The following HOOK1 variants were observed in gnomAD, a reference collection of about 807,000 sequenced individuals.
HOOK1 encodes hook microtubule tethering protein 1.
In HOOK1, 60 loss-of-function variants were observed where a neutral mutation model predicts 112.8. The observed-to-expected ratio is 0.53, with a 90% CI of 0.43 to 0.66. The LOEUF (loss-of-function observed/expected upper bound fraction) is 0.66, where lower values mean the gene tolerates loss of function less well. Ranked by LOEUF, HOOK1 falls within the 30% of genes least tolerant of loss-of-function variation. HOOK1 has a pLI of 0.00. For synonymous variants in HOOK1, 294 were observed against 283.8 expected (o/e 1.04, Z -0.36); for missense variants, 770 against 856.0 (o/e 0.90, Z 1.25).
Position 59,870,465 on chromosome 1 carries a change from A to G in HOOK1, c.1948-577A>G, listed in dbSNP as rs1644039160. Among the ~76,000 whole-genome samples, 4 of 152,296 alleles carry G rather than the reference A, an allele frequency of 2.6e-5. No homozygotes were observed. The South Asian group carries it at 6.2e-4, about 24-fold the overall frequency. On this transcript the variant is annotated intron_variant, in intron 20 of 21. Coordinates refer to ENST00000371208, the MANE Select transcript of HOOK1 (RefSeq NM_015888.6). ...TTGGTTCTTATATACTTTTTGTATC[A>G]TGAACATCCTATGTATCAAGATAAT...
chr1:59,837,265 G>A (rs1233669405), intron 7 of HOOK1, among the ~76,000 whole-genome samples: 1 of 152,028 alleles, frequency 6.6e-6, no homozygotes, highest in Non-Finnish European at 1.5e-5. Context: ...TTTTTTCACT[G>A]TTGCTATCCT....
chr1:59,817,798 C>G (rs1007474933), intron 1 of HOOK1, among the ~76,000 whole-genome samples: 6 of 152,178 alleles, frequency 3.9e-5, no homozygotes, highest in African/African-American at 1.4e-4. Flanking sequence ...CACCCTTATC[C>G]CACTGTAACC....
At chr1:59,864,395 C>A (rs1424320297) in intron 16 of HOOK1, among the ~76,000 whole-genome samples, 1 of 151,848 alleles carries the variant, frequency 6.6e-6, no homozygotes, top group East Asian at 1.9e-4. Flanking sequence ...AGGCATTTTT[C>A]TTTCTGTTTT....
chr1:59,832,659 A>G (rs560021839), intron 4 of HOOK1, among the ~76,000 whole-genome samples: 2 of 152,132 alleles, frequency 1.3e-5, no homozygotes, highest in Admixed American at 1.3e-4. Context: ...TAGATAGTAC[A>G]TTAGTCAAAT....
At chr1:59,866,111 C>A in intron 19 of HOOK1, 139 bp downstream of exon 19, 1 of 599,394 alleles carries the variant, frequency 1.7e-6, no homozygotes, top group Admixed American at 3.5e-5. Flanking sequence ...TGTCAGGTTT[C>A]CGTAGTATTT....
chr1:59,866,660 G>GATCT (rs1643973464), intron 19 of HOOK1, among the ~76,000 whole-genome samples: 1 of 152,146 alleles, frequency 6.6e-6, no homozygotes, highest in Non-Finnish European at 1.5e-5. Context: ...AATGGGCGAG[G>GATCT]CCTGAAAACA....
intron 15 of HOOK1, among the ~76,000 whole-genome samples, chr1:59,862,045 A>G (rs1574220924): frequency 1.3e-5 from 2 of 152,338 alleles, no homozygotes; most frequent in South Asian, 4.1e-4. Flanking sequence ...AGAGACCATT[A>G]CATATTACTA....
At chr1:59,868,205 T>A (rs570597131) in intron 19 of HOOK1, 45 bp from the exon 20 acceptor site, 11 of 1,005,086 alleles carry the variant, frequency 1.1e-5, no homozygotes, top group Admixed American at 7.8e-5. Flanking sequence ...TATGTTTTAA[T>A]ACTTTAAAAT....
chr1:59,866,386 A>T (rs1643965403), intron 19 of HOOK1, among the ~76,000 whole-genome samples: 1 of 152,214 alleles, frequency 6.6e-6, no homozygotes, highest in South Asian at 2.1e-4. Flanking sequence ...TGTATTTGAA[A>T]TTGTTGTAGC....
Position 59,835,335 on chromosome 1 carries a change from TA to T in HOOK1, c.407-7del. On this transcript the variant is annotated splice_polypyrimidine_tract_variant and intron_variant, in intron 5 of 21. Transcript: ENST00000371208. The stretch of plus-strand genomic sequence containing the variant: ...AGATTTTTTTCAGATTTGATTTTTT[TA>T]AATCATAGAACATATTCAAAATATA... 6.6e-7 allele frequency: 1 copy of T among 1,518,332 alleles called. No individual in the cohort carries two copies. The highest frequency in any genetic ancestry group is 9.1e-7 in the Non-Finnish European group (1 of 1,096,544). The allele number at this position is 1,518,332 out of a possible 1,614,324, so 94.1% of individuals were successfully genotyped here. A position where few individuals can be genotyped will look rare whatever the true frequency, so the allele number is the denominator to read the frequency against.
chr1:59,846,984 C>T (rs1408790254), intron 9 of HOOK1, 61 bp from the exon 10 acceptor site: 34 of 1,355,418 alleles, frequency 2.5e-5, no homozygotes, highest in Non-Finnish European at 3.3e-5. Flanking sequence ...ATGCAAGTTA[C>T]AATTATATAA....
intron 14 of HOOK1, among the ~76,000 whole-genome samples, 180 bp downstream of exon 14, chr1:59,859,225 C>T (rs988549620): frequency 6.6e-6 from 1 of 151,882 alleles, no homozygotes; most frequent in Non-Finnish European, 1.5e-5. Context: ...AAAATTTTAT[C>T]AGAAGTAAAA....
chr1:59,819,978 G>A (rs918630780), intron 1 of HOOK1, among the ~76,000 whole-genome samples: 5 of 152,086 alleles, frequency 3.3e-5, no homozygotes, highest in African/African-American at 1.2e-4. Context: ...CAGAGCCATT[G>A]CAGGAACCTT....
chr1:59,836,608 T>C (rs78669793), intron 6 of HOOK1, among the ~76,000 whole-genome samples: 1,707 of 152,328 alleles, frequency 0.011, 30 homozygotes, highest in African/African-American at 0.038. Flanking sequence ...AGGACTTGTA[T>C]TGAAATTTGT....
At chr1:59,830,098 T>C (rs955186341) in intron 3 of HOOK1, among the ~76,000 whole-genome samples, 9 of 152,190 alleles carry the variant, frequency 5.9e-5, no homozygotes, top group Non-Finnish European at 1.3e-4. Flanking sequence ...ATTTATTGAG[T>C]CTTATTTTAT....
At position 59,847,180 on chromosome 1, in the gene HOOK1, T is replaced by G. The variant is rs141203971; in HGVS notation, c.924T>G (p.Val308=). 2.5e-6 allele frequency: 4 copies of G among 1,600,898 alleles called. No homozygotes were observed. Among genetic ancestry groups the G allele is most frequent in the Non-Finnish European group, 3.4e-6 (4 of 1,174,716 alleles). The change falls in exon 10 of 22, where the codon GTT becomes GTG. Residue 308 remains valine (V), a synonymous_variant. Transcript: ENST00000371208. ...ETRALKDEID[V]LRATSDKANK... is the part of the protein sequence containing the mutation. ...GAGCCCTGAAAGATGAAATAGATGT[T>G]CTTAGGTATGGCATGTCTTAAAAAA...
chr1:59,852,717 T>A (rs1003247355), intron 12 of HOOK1, among the ~76,000 whole-genome samples: 5 of 151,712 alleles, frequency 3.3e-5, no homozygotes, highest in African/African-American at 9.7e-5. Flanking sequence ...TTTTTCCTAG[T>A]TAAGATAGAA....
At chr1:59,826,468 AT>A (rs1283929626) in intron 2 of HOOK1, among the ~76,000 whole-genome samples, 2 of 152,180 alleles carry the variant, frequency 1.3e-5, no homozygotes, top group Non-Finnish European at 2.9e-5. Context: ...CAGGAGATAT[AT>A]TTTTACTAAG....
chr1:59,849,385 A>G (rs987182944), intron 12 of HOOK1, among the ~76,000 whole-genome samples: 1 of 151,574 alleles, frequency 6.6e-6, no homozygotes, highest in African/African-American at 2.4e-5. Flanking sequence ...ATGAAATGGT[A>G]GAGCCAAGGT....
Sources: allele counts gnomAD v4.1 joint callset (sites outside exome capture counted in the v4.1 genomes callset), GRCh38; gene constraint gnomAD v4.1.1; transcripts MANE v1.5; gene names NCBI Gene and HGNC (gene_info 2026-07-23, HGNC 2026-07-21).